The following SNX31 variants were observed in gnomAD, a reference collection of about 807,000 sequenced individuals.
SNX31 encodes sorting nexin-31.
Under a neutral mutation model 65.4 loss-of-function variants are expected in SNX31, and 58 were observed. That is an observed-to-expected ratio of 0.89 (90% CI 0.72 to 1.10). SNX31 has a LOEUF of 1.10. Ranked by LOEUF, SNX31 falls within the 50% of genes least tolerant of loss-of-function variation. The pLI, the probability that SNX31 is intolerant of heterozygous loss-of-function variation, is 0.00. For synonymous variants in SNX31, 181 were observed against 190.1 expected, an observed-to-expected ratio of 0.95 and a Z score of 0.39; for missense variants, 523 against 529.7, an observed-to-expected ratio of 0.99 and a Z score of 0.12.
chr8:100,659,377 A>G (rs899921670), intron 1 of SNX31, among the ~76,000 whole-genome samples: 3 of 140,056 alleles, frequency 2.1e-5, no homozygotes, highest in East Asian at 2.1e-4. Context: ...AAAAAAAAAA[A>G]GCGTGGGGGG....
In SNX31 at chr8:100,576,321, A is replaced by C. The variant is rs1813040416; in HGVS notation, c.1227+698T>G. On this transcript the variant is annotated intron_variant, in intron 13 of 13. Transcript: ENST00000311812. The surrounding 1 kb of genome is among the most constrained non-coding windows in gnomAD (Gnocchi z 4.8). The stretch of plus-strand genomic sequence containing the variant: ...CCCATTCAAATGCTACTTAGAAGTC[A>C]CTTTTCTTTCATTCACCTACACTAG... Among the ~76,000 whole-genome samples the C allele has an allele frequency of 6.6e-6, 1 of 152,220 alleles. No homozygotes were observed.
Position 100,576,658 on chromosome 8 carries a change from C to CT in SNX31, c.1227+360dup, listed in dbSNP as rs1477863650. On this transcript the variant is annotated intron_variant, in intron 13 of 13. Transcript: ENST00000311812. The surrounding 1 kb of genome is among the most constrained non-coding windows in gnomAD (Gnocchi z 4.8). ...AAGTATTTTGTAAACTTAAAAGTTG[C>CT]TTTATACAGAGTATACTGCAGAAAA... is the stretch of plus-strand genomic sequence containing the variant. Among the ~76,000 whole-genome samples the CT allele has an allele frequency of 6.6e-6, 1 of 152,022 alleles. No individual in the cohort carries two copies.
Position 100,649,572 on chromosome 8 carries a change from C to T in SNX31, c.-58G>A, listed in dbSNP as rs1356010800. ...ACCCGACCTGCGGCGGCGGGCGGTG[C>T]GCGGCTCTGAACTCGGCAGCGGTGG... On this transcript the variant is annotated 5_prime_UTR_variant, in exon 1 of 14. Coordinates refer to ENST00000311812, the MANE Select transcript of SNX31 (RefSeq NM_152628.4). 3.3e-6 allele frequency: 5 copies of T among 1,504,446 alleles called. No homozygotes were observed. The East Asian group carries it at 1.2e-4, about 37-fold the overall frequency. The allele number at this position is 1,504,446 out of a possible 1,614,324, so 93.2% of individuals were successfully genotyped here.
At chr8:100,623,221 G>A (rs1817819209) in intron 4 of SNX31, among the ~76,000 whole-genome samples, 1 of 152,174 alleles carries the variant, frequency 6.6e-6, no homozygotes, top group Admixed American at 6.5e-5. Flanking sequence ...GCAGGAGCAA[G>A]GGTGGGTGGA....
Position 100,613,109 on chromosome 8 carries a change from G to A in SNX31, c.433-24C>T, listed in dbSNP as rs1238030447. 1.2e-6 allele frequency: 2 copies of A among 1,603,814 alleles called. No individual in the cohort carries two copies. The highest frequency in any genetic ancestry group is 2.2e-5 in the South Asian group (2 of 90,816). ...ACCTTTAACCAGAAACAAGCAGAAA[G>A]GGAAAAAGTTAGGTGTGCCCACCAT... is the stretch of plus-strand genomic sequence containing the variant. On this transcript the variant is annotated intron_variant, in intron 5 of 13. Coordinates refer to ENST00000311812, the MANE Select transcript of SNX31 (RefSeq NM_152628.4). The surrounding 1 kb of genome is among the most constrained non-coding windows in gnomAD (Gnocchi z 5.2).
At chr8:100,662,258 A>T (rs903263054) in intron 1 of SNX31, among the ~76,000 whole-genome samples, 5 of 152,244 alleles carry the variant, frequency 3.3e-5, no homozygotes, top group African/African-American at 1.2e-4. Flanking sequence ...CAGAGCCAGG[A>T]TATGAACCCA....
At chr8:100,608,473 T>G (rs1347966245) in intron 8 of SNX31, 21 bp downstream of exon 8, 3 of 1,612,538 alleles carry the variant, frequency 1.9e-6, no homozygotes, top group Non-Finnish European at 2.5e-6. Context: ...CGGTGCTGTC[T>G]GAGCTCTTGG....
intron 4 of SNX31, among the ~76,000 whole-genome samples, chr8:100,624,904 C>A: frequency 6.6e-6 from 1 of 152,036 alleles, no homozygotes; most frequent in Non-Finnish European, 1.5e-5. Context: ...TGGGCTCAAG[C>A]AATCCTCCTG....
chr8:100,573,854 G>T lies in SNX31; in HGVS notation c.*11C>A. The T allele has an allele frequency of 6.5e-7, 1 of 1,542,888 alleles. No individual in the cohort carries two copies. Among genetic ancestry groups the T allele is most frequent in the South Asian group, 1.2e-5 (1 of 84,452 alleles). Reference sequence around the variant, plus strand: ...AGCCTCCAAGGATATTTTAAAATATGAGAGCTTTCTTCAGAGATCTTCTTC... The same window carrying T: ...AGCCTCCAAGGATATTTTAAAATATTAGAGCTTTCTTCAGAGATCTTCTTC... On this transcript the variant is annotated 3_prime_UTR_variant, in exon 14 of 14. Transcript: ENST00000311812.
At position 100,604,621 on chromosome 8, in the gene SNX31, C is replaced by A. The variant is rs1265218411; in HGVS notation, c.681+3873G>T. 1.3e-5 allele frequency among the ~76,000 whole-genome samples: 2 copies of A among 152,228 alleles called. No homozygotes were observed. Among genetic ancestry groups the A allele is most frequent in the Non-Finnish European group, 2.9e-5 (2 of 68,044 alleles). Reference sequence around the variant, plus strand: ...CATCACTGTCCAGGCCAGCAATGGCCCCGCTGAAATGCAGGCCCAGAATTG... The same window carrying A: ...CATCACTGTCCAGGCCAGCAATGGCACCGCTGAAATGCAGGCCCAGAATTG... On this transcript the variant is annotated intron_variant, in intron 8 of 13. Coordinates refer to ENST00000311812, the MANE Select transcript of SNX31 (RefSeq NM_152628.4). This position sits in a 1 kb window ranked among gnomAD's most constrained non-coding sequence, Gnocchi z 4.3.
chr8:100,586,324 G>A (rs1010224353), intron 11 of SNX31, among the ~76,000 whole-genome samples: 3 of 152,188 alleles, frequency 2.0e-5, no homozygotes, highest in Admixed American at 6.5e-5. Context: ...TACAAAAGTA[G>A]CCCTTGAGTG....
chr8:100,585,412 G>C (rs1052684891), intron 11 of SNX31, among the ~76,000 whole-genome samples: 2 of 152,278 alleles, frequency 1.3e-5, no homozygotes, highest in East Asian at 1.9e-4. Context: ...AGGGAGGAGA[G>C]AGTGAGAGAA....
chr8:100,653,114 G>A (rs758952805), upstream of SNX31, among the ~76,000 whole-genome samples: 94 of 152,202 alleles, frequency 6.2e-4, 1 homozygote, highest in Non-Finnish European at 1.2e-3. Context: ...CTCTCTTGAG[G>A]TTCAGACGAG....
At chr8:100,581,122 C>A (rs1306085229) in intron 12 of SNX31, among the ~76,000 whole-genome samples, 2 of 140,790 alleles carry the variant, frequency 1.4e-5, no homozygotes, top group Admixed American at 1.4e-4. Flanking sequence ...ACAGGGAGAC[C>A]TTACCTCTAC....
In SNX31 at chr8:100,622,424, G is replaced by A. The variant is rs1359825520; in HGVS notation, c.322-4694C>T. 6.6e-6 allele frequency among the ~76,000 whole-genome samples: 1 copy of A among 152,292 alleles called. No homozygotes were observed. Among genetic ancestry groups the A allele is most frequent in the East Asian group, 1.9e-4 (1 of 5,184 alleles). ...AGCACTTTGGGACCCAGCTGAGGTAGGTGGGTCATTTGAGGTCAGGAGTTC... is the reference window on the plus strand; with the variant it reads ...AGCACTTTGGGACCCAGCTGAGGTAAGTGGGTCATTTGAGGTCAGGAGTTC... On this transcript the variant is annotated intron_variant, in intron 4 of 13. Transcript: ENST00000311812. The surrounding 1 kb of genome is among the most constrained non-coding windows in gnomAD (Gnocchi z 5.0).
chr8:100,635,725 A>G (rs1238716803), intron 3 of SNX31, among the ~76,000 whole-genome samples, 172 bp downstream of exon 3: 1 of 151,904 alleles, frequency 6.6e-6, no homozygotes, highest in African/African-American at 2.4e-5. Context: ...AATGGGTATG[A>G]GGTTTCTTTT....
At chr8:100,603,483 TG>T (rs1815841048) in intron 8 of SNX31, among the ~76,000 whole-genome samples, 1 of 151,738 alleles carries the variant, frequency 6.6e-6, no homozygotes, top group Admixed American at 6.6e-5. Context: ...TTGCCCAGGC[TG>T]GAGTGCAATG....
At chr8:100,624,165 A>G (rs1011829923) in intron 4 of SNX31, among the ~76,000 whole-genome samples, 41 of 152,212 alleles carry the variant, frequency 2.7e-4, no homozygotes, top group African/African-American at 9.4e-4. Context: ...ATTGAAGAAT[A>G]ATAGCTGGGT....
rs771237789 is a variant in SNX31 at position 100,600,419 on chromosome 8, C to T, written c.704G>A (p.Gly235Glu). Residue 235 changes from glycine (G) to glutamate (E), a missense_variant, in exon 9 of 14, where the codon GGA becomes GAA. Coordinates refer to ENST00000311812, the MANE Select transcript of SNX31 (RefSeq NM_152628.4). ...YMQAIQDIEKGWAKPTQAQRQ... is the reference protein window; with the variant it reads ...YMQAIQDIEKEWAKPTQAQRQ... Reference sequence around the variant, plus strand: ...CTGTGCCTGTGTGGGTTTGGCCCATCCTTTTTCAATGTCCTGTATTGCCTT... The same window carrying T: ...CTGTGCCTGTGTGGGTTTGGCCCATTCTTTTTCAATGTCCTGTATTGCCTT... 6.2e-6 allele frequency: 10 copies of T among 1,613,324 alleles called. No individual in the cohort carries two copies. The African/African-American group carries it at 1.2e-4, about 19-fold the overall frequency.
Sources: gnomAD v4.1 joint callset for allele counts (sites outside exome capture counted in the v4.1 genomes callset) on GRCh38, gnomAD v4.1.1 for gene constraint, Gnocchi (gnomAD v3.1) non-coding constraint, MANE v1.5 for transcripts, NCBI Gene and HGNC (gene_info 2026-07-23, HGNC 2026-07-21) for gene names.